MAST2: variants seen among roughly 807,000 people sequenced by gnomAD.
MAST2 encodes the protein microtubule associated serine/threonine kinase 2.
Under a neutral mutation model 147.4 loss-of-function variants are expected in MAST2, and 70 were observed. The ratio of observed to expected loss-of-function variants is 0.47; its 90% CI spans 0.39 to 0.58. The LOEUF is 0.58. MAST2 is among the 20% of genes least tolerant of loss of function. The pLI is 0.00. For synonymous variants in MAST2, 869 were observed against 896.8 expected (o/e 0.97, Z 0.55); for missense variants, 2,080 against 2,302.3 (o/e 0.90, Z 1.98).
intron 26 of MAST2, 92 bp downstream of exon 26, chr1:46,032,810 A>C (rs1277018332): frequency 1.3e-6 from 2 of 1,494,744 alleles, no homozygotes; most frequent in African/African-American, 2.8e-5. Context: ...AGTTGGGTGC[A>C]CACACATCTA....
chr1:45,842,512 A>C (rs1314630882), intron 3 of MAST2, among the ~76,000 whole-genome samples: 3 of 152,000 alleles, frequency 2.0e-5, no homozygotes, highest in Non-Finnish European at 4.4e-5. Flanking sequence ...GTCTCTATGG[A>C]TTTCTCTATT....
chr1:45,914,297 C>T (rs1475040382), intron 4 of MAST2, among the ~76,000 whole-genome samples: 1 of 152,144 alleles, frequency 6.6e-6, no homozygotes, highest in Non-Finnish European at 1.5e-5. Flanking sequence ...CAGCTCAGGA[C>T]CTCAGATCTG....
chr1:45,811,656 CAG>C (rs1313466804), intron 1 of MAST2, among the ~76,000 whole-genome samples: 10 of 116,958 alleles, frequency 8.6e-5, no homozygotes, highest in Admixed American at 9.5e-5. Context: ...TTTTTTGACA[CAG>C]AGTCTCACTT....
chr1:45,983,424 C>T (rs186519460), intron 5 of MAST2, among the ~76,000 whole-genome samples: 5 of 151,734 alleles, frequency 3.3e-5, no homozygotes, highest in African/African-American at 7.3e-5. Flanking sequence ...TTTGGCTTAT[C>T]GAAGATACCC....
intron 2 of MAST2, among the ~76,000 whole-genome samples, chr1:45,827,475 G>A (rs1644828852): frequency 6.6e-6 from 1 of 152,124 alleles, no homozygotes; most frequent in African/African-American, 2.4e-5. Context: ...ATTTTGAAGA[G>A]AGAGATGATA....
intron 10 of MAST2, 25 bp from the exon 11 acceptor site, chr1:46,019,571 T>A: frequency 6.3e-7 from 1 of 1,598,322 alleles, no homozygotes; most frequent in Non-Finnish European, 8.6e-7. Flanking sequence ...GCCAATAGAT[T>A]AAGCAACGCT....
At chr1:46,019,420 C>G (rs1646091659) in intron 10 of MAST2, among the ~76,000 whole-genome samples, 176 bp from the exon 11 acceptor site, 1 of 152,108 alleles carries the variant, frequency 6.6e-6, no homozygotes, top group South Asian at 2.1e-4. Flanking sequence ...AGAAATGGTT[C>G]CCTATGAGCA....
chr1:45,947,769 T>C (rs766472998), intron 4 of MAST2, among the ~76,000 whole-genome samples: 2 of 152,146 alleles, frequency 1.3e-5, no homozygotes, highest in Non-Finnish European at 2.9e-5. Context: ...CAAGCTGGAG[T>C]GTAGAGGGCC....
intron 4 of MAST2, among the ~76,000 whole-genome samples, chr1:45,886,090 C>T (rs1219094510): frequency 2.0e-5 from 3 of 151,712 alleles, no homozygotes; most frequent in African/African-American, 7.3e-5. Context: ...ATAGTGAGAC[C>T]CTGTCTCTAC....
intron 5 of MAST2, among the ~76,000 whole-genome samples, chr1:45,982,144 C>T (rs1407330890): frequency 1.3e-5 from 2 of 152,084 alleles, no homozygotes; most frequent in African/African-American, 4.8e-5. Flanking sequence ...CCACCGCGCC[C>T]GGCTGTAATT....
Position 46,032,258 on chromosome 1 carries a change from C to T in MAST2, c.3268C>T (p.Pro1090Ser). ...CAACCCATCATCCCGGGACTCTTCT[C>T]CAAGCAGGGACTTCTTGCCAGCCCT... is the stretch of plus-strand genomic sequence containing the variant. ...SSNPSSRDSS[P>S]SRDFLPALGS... The change falls in exon 25 of 29, where the codon CCA becomes TCA. Residue 1090 changes from proline (P) to serine (S), a missense_variant. Pro to Ser is a moderately conservative substitution (Grantham distance 74). Transcript: ENST00000361297. 1 of 1,614,232 alleles carries T rather than the reference C, an allele frequency of 6.2e-7. No individual in the cohort carries two copies. The highest frequency in any genetic ancestry group is 8.5e-7 in the Non-Finnish European group (1 of 1,180,046).
intron 15 of MAST2, 124 bp downstream of exon 15, chr1:46,024,104 G>A: frequency 1.1e-6 from 1 of 931,396 alleles, no homozygotes; most frequent in Non-Finnish European, 1.7e-6. Flanking sequence ...TCCACCTTTG[G>A]CATTGGTTTC....
intron 4 of MAST2, among the ~76,000 whole-genome samples, chr1:45,892,557 T>C (rs1648002553): frequency 1.3e-5 from 2 of 152,358 alleles, no homozygotes; most frequent in South Asian, 4.1e-4. Context: ...TCCACTGGAA[T>C]GATCTGGAAG....
chr1:45,847,605 G>C, intron 3 of MAST2: 2 of 751,986 alleles, frequency 2.7e-6, no homozygotes, highest in Non-Finnish European at 4.2e-6. Context: ...GGTGCTTTAG[G>C]TATAGTGACG....
At chr1:46,030,505 G>T in intron 21 of MAST2, 102 bp from the exon 22 acceptor site, 1 of 1,376,366 alleles carries the variant, frequency 7.3e-7, no homozygotes, top group South Asian at 1.3e-5. Context: ...GGATGGAACC[G>T]ACTGGTTCAA....
chr1:46,006,214 G>T (rs1472535027), intron 7 of MAST2, 27 bp from the exon 8 acceptor site: 2 of 1,598,108 alleles, frequency 1.3e-6, no homozygotes, highest in African/African-American at 1.3e-5. Flanking sequence ...TGTCTTTAAT[G>T]CCACTTCTTA....
rs192074594 is a variant in MAST2, at chr1:45,878,665, G to A, written c.469-3699G>A. ...AATTTTACCAAAGTATAGGATACATGGTCAATATAAAAATTAATTGAATTT... is the reference window on the plus strand; with the variant it reads ...AATTTTACCAAAGTATAGGATACATAGTCAATATAAAAATTAATTGAATTT... On this transcript the variant is annotated intron_variant, in intron 3 of 28. Transcript: ENST00000361297. Among the ~76,000 whole-genome samples, 114 of 151,988 alleles carry A rather than the reference G, an allele frequency of 7.5e-4. 3 individuals carry two copies. The South Asian group carries it at 0.021, about 28-fold the overall frequency.
intron 4 of MAST2, among the ~76,000 whole-genome samples, chr1:45,955,681 T>C (rs1659555683): frequency 6.6e-6 from 1 of 152,082 alleles, no homozygotes; most frequent in Non-Finnish European, 1.5e-5. Context: ...AAATCCCAAT[T>C]GTAAAGGCCC....
At chr1:45,957,595 A>C (rs1162304811) in intron 4 of MAST2, among the ~76,000 whole-genome samples, 1 of 152,166 alleles carries the variant, frequency 6.6e-6, no homozygotes, top group African/African-American at 2.4e-5. Context: ...CCAAGTAGCT[A>C]GGACTGTAGG....
Sources: allele counts gnomAD v4.1 joint callset (sites outside exome capture counted in the v4.1 genomes callset), GRCh38; gene constraint gnomAD v4.1.1; transcripts MANE v1.5; gene names NCBI Gene and HGNC (gene_info 2026-07-23, HGNC 2026-07-21).